Variants in NPC2 observed in about 807,000 individuals in gnomAD.
NPC2 encodes the protein NPC intracellular cholesterol transporter 2, also known as Niemann-Pick disease type C2 protein.
A neutral mutation model predicts 17.0 loss-of-function variants in NPC2; 14 were observed. The observed-to-expected ratio is 0.82, with a 90% CI of 0.54 to 1.29. NPC2 has a LOEUF of 1.29. Among genes scored for constraint, NPC2 ranks in the 50% most tolerant of loss-of-function variants. The probability of loss-of-function intolerance (pLI) is 0.00; values close to 1 mark genes in which losing one functional copy is unlikely to be tolerated. For missense variants in NPC2, 167 were observed against 183.4 expected (o/e 0.91, Z 0.52); for synonymous variants, 75 against 69.3 (o/e 1.08, Z -0.41).
intron 3 of NPC2, among the ~76,000 whole-genome samples, chr14:74,481,889 C>T (rs1251747218): frequency 6.6e-6 from 1 of 152,216 alleles, no homozygotes; most frequent in East Asian, 1.9e-4. Context: ...CTAGTTACTA[C>T]CTCTCTTTTG....
intron 2 of NPC2, among the ~76,000 whole-genome samples, chr14:74,485,980 A>G (rs1386515702): frequency 1.3e-5 from 2 of 152,184 alleles, no homozygotes; most frequent in African/African-American, 4.8e-5. Flanking sequence ...CAAAGCTTAA[A>G]GAATTGGGGT....
At chr14:74,492,833 C>T (rs2086790100) in intron 1 of NPC2, among the ~76,000 whole-genome samples, 1 of 152,122 alleles carries the variant, frequency 6.6e-6, no homozygotes. Flanking sequence ...GGCGGGATTC[C>T]AAGATACAAA....
rs200685681 is a variant in NPC2, at chr14:74,488,715, A to AAAAAT, written c.83-2284_83-2280dup. Among the ~76,000 whole-genome samples the AAAAAT allele has an allele frequency of 1.6e-4, 25 of 152,176 alleles. No individual in the cohort carries two copies. In the South Asian group the frequency reaches 2.5e-3, roughly 15 times the overall value. On this transcript the variant is annotated intron_variant, in intron 1 of 4. Coordinates refer to ENST00000555619, the MANE Select transcript of NPC2 (RefSeq NM_006432.5). ...GGTGACAGAGCAAGACTCTGTCTCA[A>AAAAAT]AAAATAAAATAAAATAAAATAAGAC...
intron 1 of NPC2, among the ~76,000 whole-genome samples, chr14:74,492,791 TAAAAG>T (rs1373084806): frequency 6.6e-6 from 1 of 151,990 alleles, no homozygotes; most frequent in Admixed American, 6.5e-5. Flanking sequence ...AAAACGAAAT[TAAAAG>T]AAAAGCAAAA....
chr14:74,488,311 T>A (rs906233869), intron 1 of NPC2, among the ~76,000 whole-genome samples: 1 of 152,196 alleles, frequency 6.6e-6, no homozygotes, highest in South Asian at 2.1e-4. Context: ...CTTCCTGGAA[T>A]CCCTTCTTTC....
Position 74,493,293 on chromosome 14 carries a change from A to T in NPC2, c.-19T>A. On this transcript the variant is annotated 5_prime_UTR_variant, in exon 1 of 5. Transcript: ENST00000555619. This position sits in a 1 kb window ranked among gnomAD's most constrained non-coding sequence, Gnocchi z 4.1. ...AACGCATCGCGGATAACGAAGTTCC[A>T]AGCTCGGGAAAGAAGCAGCGGCCGC... is the stretch of plus-strand genomic sequence containing the variant. 3.7e-6 allele frequency: 6 copies of T among 1,610,064 alleles called. No individual in the cohort carries two copies. Among genetic ancestry groups the T allele is most frequent in the Non-Finnish European group, 5.1e-6 (6 of 1,178,638 alleles).
chr14:74,483,010 G>A, intron 3 of NPC2: 2 of 893,004 alleles, frequency 2.2e-6, no homozygotes, highest in Admixed American at 3.6e-5. Flanking sequence ...AGGAGGTGTT[G>A]GGCAGTCTGC....
chr14:74,485,578 G>A (rs540911126), intron 2 of NPC2, among the ~76,000 whole-genome samples: 2 of 152,104 alleles, frequency 1.3e-5, no homozygotes, highest in African/African-American at 2.4e-5. Flanking sequence ...GAGGAAACAG[G>A]GAGCTAGTAC....
chr14:74,483,719 C>T (rs2086678708), intron 3 of NPC2, among the ~76,000 whole-genome samples: 1 of 152,152 alleles, frequency 6.6e-6, no homozygotes, highest in South Asian at 2.1e-4. Flanking sequence ...GAAAATAAGA[C>T]ATAACAGATG....
At chr14:74,481,492 A>G (rs1207630175) in intron 3 of NPC2, among the ~76,000 whole-genome samples, 1 of 152,266 alleles carries the variant, frequency 6.6e-6, no homozygotes, top group African/African-American at 2.4e-5. Flanking sequence ...GAAGGCTTAC[A>G]TGAATAATTT....
At position 74,480,110 on chromosome 14, in the gene NPC2, AC is replaced by A. The variant is rs1566600725; in HGVS notation, c.*163del. ...AAGAGACATGAGACAACCACTGAGA[AC>A]CAGCCACCCGGAGCTCAGTTTCTGC... On this transcript the variant is annotated 3_prime_UTR_variant, in exon 5 of 5. Transcript: ENST00000555619. 1 of 1,553,230 alleles carries A rather than the reference AC, an allele frequency of 6.4e-7. No homozygotes were observed. Among genetic ancestry groups the A allele is most frequent in the Non-Finnish European group, 8.7e-7 (1 of 1,153,150 alleles).
intron 3 of NPC2, chr14:74,483,392 T>C: frequency 6.8e-7 from 1 of 1,468,742 alleles, no homozygotes; most frequent in Middle Eastern, 1.8e-4. Flanking sequence ...TTTAGAATAA[T>C]CTGCAAAGTC....
In NPC2 at chr14:74,482,482, G is replaced by C. The variant is rs1454951399; in HGVS notation, c.364-1703C>G. 3.9e-5 allele frequency among the ~76,000 whole-genome samples: 6 copies of C among 152,154 alleles called. No individual in the cohort carries two copies. In the East Asian group the frequency reaches 1.2e-3, roughly 29 times the overall value. ...AGGGATGGGTCAGAGGTGAAGGTGGGGATTGGAGGGCAGAAAGAAGGCTGG... is the reference window on the plus strand; with the variant it reads ...AGGGATGGGTCAGAGGTGAAGGTGGCGATTGGAGGGCAGAAAGAAGGCTGG... On this transcript the variant is annotated intron_variant, in intron 3 of 4. Coordinates refer to ENST00000555619, the MANE Select transcript of NPC2 (RefSeq NM_006432.5).
Position 74,484,406 on chromosome 14 carries a change from A to G in NPC2, c.363+9T>C. ...GGCCTCCCGTGTCCTCAATAATGGT[A>G]TCACTTACAGAGGGATATTCGCTTT... On this transcript the variant is annotated intron_variant, in intron 3 of 4. Coordinates refer to ENST00000555619, the MANE Select transcript of NPC2 (RefSeq NM_006432.5). 6.2e-7 allele frequency: 1 copy of G among 1,613,760 alleles called. No individual in the cohort carries two copies. Among genetic ancestry groups the G allele is most frequent in the Non-Finnish European group, 8.5e-7 (1 of 1,179,686 alleles).
intron 1 of NPC2, among the ~76,000 whole-genome samples, chr14:74,492,136 C>A (rs1269932970): frequency 6.6e-6 from 1 of 152,146 alleles, no homozygotes; most frequent in African/African-American, 2.4e-5. Context: ...AATCAGCACT[C>A]CCCACTTTCC....
intron 1 of NPC2, among the ~76,000 whole-genome samples, chr14:74,489,358 T>C (rs2139672923): frequency 6.6e-6 from 1 of 152,366 alleles, no homozygotes; most frequent in African/African-American, 2.4e-5. Flanking sequence ...AAATAGGATT[T>C]ATCCCTGGGA....
In NPC2 at chr14:74,480,693, T is replaced by C. The variant is rs372464598; in HGVS notation, c.441+9A>G. The C allele has an allele frequency of 3.7e-6, 6 of 1,611,612 alleles. No individual in the cohort carries two copies. Among genetic ancestry groups the C allele is most frequent in the African/African-American group, 2.7e-5 (2 of 75,032 alleles). ...CCACCCATGCCCTCTCACCCCCAGA[T>C]AGACTTACGATCTGTACTGGGATTT... On this transcript the variant is annotated intron_variant, in intron 4 of 4. Transcript: ENST00000555619.
At chr14:74,483,578 A>G in intron 3 of NPC2, 1 of 1,303,670 alleles carries the variant, frequency 7.7e-7, no homozygotes, top group Non-Finnish European at 1.0e-6. Flanking sequence ...GGAAAGTGCC[A>G]GCATTCCAGA....
intron 4 of NPC2, 121 bp downstream of exon 4, chr14:74,480,581 A>T (rs1369479006): frequency 2.3e-6 from 2 of 876,604 alleles, no homozygotes. Flanking sequence ...TTAGAGGTTG[A>T]GAGGCATAAA....
Sources: gnomAD v4.1 joint callset for allele counts (sites outside exome capture counted in the v4.1 genomes callset) on GRCh38, gnomAD v4.1.1 for gene constraint, Gnocchi (gnomAD v3.1) non-coding constraint, MANE v1.5 for transcripts, NCBI Gene and HGNC (gene_info 2026-07-23, HGNC 2026-07-21) for gene names.